The following PRKCI variants were observed in gnomAD, a reference collection of about 807,000 sequenced individuals.
PRKCI encodes the protein protein kinase C iota type.
PRKCI carries 43 observed loss-of-function variants against 84.0 expected under a neutral mutation model. The observed-to-expected ratio is 0.51, with a 90% CI of 0.40 to 0.66. The LOEUF (loss-of-function observed/expected upper bound fraction) is 0.66. PRKCI is among the 30% of genes least tolerant of loss of function. PRKCI has a pLI of 0.00. For synonymous variants in PRKCI, 216 were observed against 234.4 expected (o/e 0.92, Z 0.72); for missense variants, 459 against 745.6 (o/e 0.62, Z 4.48).
intron 8 of PRKCI, among the ~76,000 whole-genome samples, chr3:170,275,934 C>CTTTTT (rs746440889): frequency 7.6e-6 from 1 of 132,270 alleles, no homozygotes; most frequent in African/African-American, 2.8e-5. Context: ...CCGTATCATT[C>CTTTTT]TTTTTTTTTT....
chr3:170,301,660 A>G (rs981871535), intron 17 of PRKCI, among the ~76,000 whole-genome samples: 4 of 151,926 alleles, frequency 2.6e-5, no homozygotes, highest in African/African-American at 9.7e-5. Context: ...TTATTTCATC[A>G]TTTACATCAG....
At chr3:170,225,818 T>G (rs1464344389) in intron 1 of PRKCI, among the ~76,000 whole-genome samples, 1 of 152,082 alleles carries the variant, frequency 6.6e-6, no homozygotes, top group Non-Finnish European at 1.5e-5. Flanking sequence ...GTGTATAGTG[T>G]TATTATTCTG....
At chr3:170,277,287 A>G (rs1293422171) in intron 8 of PRKCI, among the ~76,000 whole-genome samples, 1 of 151,870 alleles carries the variant, frequency 6.6e-6, no homozygotes, top group Admixed American at 6.6e-5. Context: ...ATGAACAGAC[A>G]TATCTCAAAA....
chr3:170,279,007 C>T (rs553502661), intron 8 of PRKCI, among the ~76,000 whole-genome samples: 1 of 152,164 alleles, frequency 6.6e-6, no homozygotes, highest in Non-Finnish European at 1.5e-5. Flanking sequence ...CAAACTATCA[C>T]CTTGTTACCA....
At chr3:170,230,188 CAG>C (rs1732748993) in intron 1 of PRKCI, among the ~76,000 whole-genome samples, 2 of 133,020 alleles carry the variant, frequency 1.5e-5, no homozygotes, top group African/African-American at 5.6e-5. Context: ...TTTTTTGAGA[CAG>C]AGTCTTGCTT....
At position 170,303,774 on chromosome 3, in the gene PRKCI, ATC is replaced by A; in HGVS notation, c.*648_*649del. Reference sequence around the variant, plus strand: ...TACTTTGGGAGGTTGAGGCGGGCAGATCACTTGAGGTCAGGAGTTTGAGATTG... The same window carrying A: ...TACTTTGGGAGGTTGAGGCGGGCAGAACTTGAGGTCAGGAGTTTGAGATTG... On this transcript the variant is annotated 3_prime_UTR_variant, in exon 18 of 18. Transcript: ENST00000295797. The A allele has an allele frequency of 5.1e-6, 1 of 197,104 alleles. No homozygotes were observed. The highest frequency in any genetic ancestry group is 1.1e-5 in the Non-Finnish European group (1 of 95,004). The allele number at this position is 197,104 out of a possible 1,614,324, so 12.2% of individuals were successfully genotyped here. A position where few individuals can be genotyped will look rare whatever the true frequency, so the allele number is the denominator to read the frequency against.
rs1355080064 is a variant in PRKCI at position 170,303,613 on chromosome 3, T to C, written c.*486T>C. The C allele has an allele frequency of 4.4e-6, 1 of 226,136 alleles. No homozygotes were observed. Among genetic ancestry groups the C allele is most frequent in the African/African-American group, 2.2e-5 (1 of 45,012 alleles). 14.0% of individuals were successfully genotyped at this position (226,136 alleles called of 1,614,324 possible). Reference sequence around the variant, plus strand: ...TTCTTTATGTTTAAAAATTCAGGTGTAAATTTTATTGCCTTGGATAAATAA... The same window carrying C: ...TTCTTTATGTTTAAAAATTCAGGTGCAAATTTTATTGCCTTGGATAAATAA... On this transcript the variant is annotated 3_prime_UTR_variant, in exon 18 of 18. Transcript: ENST00000295797.
At chr3:170,279,033 A>G (rs962521384) in intron 8 of PRKCI, among the ~76,000 whole-genome samples, 2 of 152,098 alleles carry the variant, frequency 1.3e-5, no homozygotes, top group Non-Finnish European at 2.9e-5. Flanking sequence ...AATTATTATT[A>G]TTATTACTAT....
At chr3:170,236,140 C>T (rs1005589414) in intron 2 of PRKCI, among the ~76,000 whole-genome samples, 5 of 148,226 alleles carry the variant, frequency 3.4e-5, no homozygotes, top group Non-Finnish European at 5.9e-5. Flanking sequence ...CTGGCTCTGT[C>T]GCCCAGGCTG....
chr3:170,232,889 A>G (rs576755182), intron 1 of PRKCI, among the ~76,000 whole-genome samples: 3 of 152,236 alleles, frequency 2.0e-5, no homozygotes, highest in African/African-American at 4.8e-5. Context: ...CCCTTACTAC[A>G]TTGACAGGGC....
At chr3:170,233,600 C>G (rs1210454522) in intron 1 of PRKCI, among the ~76,000 whole-genome samples, 2 of 152,234 alleles carry the variant, frequency 1.3e-5, no homozygotes, top group African/African-American at 4.8e-5. Context: ...ATAGTGGTTT[C>G]GCAATTACTG....
At chr3:170,250,609 G>C (rs575736546) in intron 2 of PRKCI, among the ~76,000 whole-genome samples, 4 of 152,122 alleles carry the variant, frequency 2.6e-5, no homozygotes, top group East Asian at 1.9e-4. Flanking sequence ...TTTATGGGTG[G>C]ATAATATTCC....
At chr3:170,275,512 A>T (rs1279680947) in intron 8 of PRKCI, among the ~76,000 whole-genome samples, 1 of 152,160 alleles carries the variant, frequency 6.6e-6, no homozygotes, top group Non-Finnish European at 1.5e-5. Flanking sequence ...ATTTTAAAAT[A>T]GCTTAATCTG....
rs992580210 is a variant in PRKCI at position 170,305,366 on chromosome 3, T to G, written c.*2239T>G. The G allele has an allele frequency of 2.6e-5, 4 of 152,588 alleles. No individual in the cohort carries two copies. The highest frequency in any genetic ancestry group is 2.6e-4 in the Admixed American group (4 of 15,272). 9.5% of individuals were successfully genotyped at this position (152,588 alleles called of 1,614,324 possible). On this transcript the variant is annotated 3_prime_UTR_variant, in exon 18 of 18. Transcript: ENST00000295797. ...ATATTAGAGTATTCATGATAAAACA[T>G]TTTGAGAAGGGGTAAGCAGTGAGTT... is the stretch of plus-strand genomic sequence containing the variant.
chr3:170,237,921 G>A (rs761291620), intron 2 of PRKCI, among the ~76,000 whole-genome samples: 4 of 151,922 alleles, frequency 2.6e-5, no homozygotes, highest in Non-Finnish European at 4.4e-5. Flanking sequence ...CTATGCATTT[G>A]CAAACGTGTA....
chr3:170,297,600 C>T (rs1354512141), intron 16 of PRKCI, among the ~76,000 whole-genome samples: 1 of 152,042 alleles, frequency 6.6e-6, no homozygotes, highest in East Asian at 1.9e-4. Flanking sequence ...TACAGTCACT[C>T]ACCACCATGC....
intron 16 of PRKCI, among the ~76,000 whole-genome samples, chr3:170,297,798 C>G (rs1019875201): frequency 2.6e-5 from 4 of 151,974 alleles, no homozygotes; most frequent in South Asian, 2.1e-4. Flanking sequence ...CATATCACAG[C>G]TTTAAAAACT....
chr3:170,294,947 C>T (rs1409386439), intron 14 of PRKCI, among the ~76,000 whole-genome samples: 1 of 152,144 alleles, frequency 6.6e-6, no homozygotes, highest in African/African-American at 2.4e-5. Flanking sequence ...TAGTGGCTCA[C>T]ATCTGTAATC....
chr3:170,272,346 A>G (rs1194096752), intron 6 of PRKCI, among the ~76,000 whole-genome samples: 4 of 152,216 alleles, frequency 2.6e-5, no homozygotes, highest in East Asian at 3.8e-4. Context: ...TTGTTATTCC[A>G]TGTTTATTCA....
Sources: gnomAD v4.1 joint callset for allele counts (sites outside exome capture counted in the v4.1 genomes callset) on GRCh38, gnomAD v4.1.1 for gene constraint, MANE v1.5 for transcripts, NCBI Gene and HGNC (gene_info 2026-07-23, HGNC 2026-07-21) for gene names.